The following USP37 variants were observed in gnomAD, a reference collection of about 807,000 sequenced individuals.
USP37 encodes the protein ubiquitin carboxyl-terminal hydrolase 37.
USP37 carries 27 observed loss-of-function variants against 124.0 expected under a neutral mutation model. That is an observed-to-expected ratio of 0.22 (90% CI 0.16 to 0.30). USP37 has a LOEUF of 0.30. Among genes scored for constraint, USP37 ranks in the 10% least tolerant of loss-of-function variants. The pLI, the probability that USP37 is intolerant of heterozygous loss-of-function variation, is 1.00. For missense variants in USP37, 889 were observed against 1,140.4 expected, an observed-to-expected ratio of 0.78 and a Z score of 3.17; for synonymous variants, 365 against 388.0, an observed-to-expected ratio of 0.94 and a Z score of 0.70.
intron 4 of USP37, 73 bp from the exon 5 acceptor site, chr2:218,553,797 C>G (rs986002403): frequency 1.5e-6 from 2 of 1,370,110 alleles, no homozygotes; most frequent in African/African-American, 2.9e-5. Flanking sequence ...ATAATAAATA[C>G]TAAACTTTAT....
intron 22 of USP37, 23 bp downstream of exon 22, chr2:218,463,282 AT>A (rs1690127123): frequency 6.2e-7 from 1 of 1,609,096 alleles, no homozygotes; most frequent in Non-Finnish European, 8.5e-7. Flanking sequence ...CATTAAAAAA[AT>A]GTAATTAAAA....
At position 218,488,358 on chromosome 2, in the gene USP37, C is replaced by G. The variant is rs776555439; in HGVS notation, c.1536G>C (p.Arg512Ser). 1.2e-6 allele frequency: 2 copies of G among 1,611,642 alleles called. No homozygotes were observed. Among genetic ancestry groups the G allele is most frequent in the South Asian group, 2.2e-5 (2 of 90,674 alleles). ...TTGAACGAGGAGGGAGTGGTTTTTTCCTACGAGGAAGGTCAATAGAGAGGT... is the reference window on the plus strand; with the variant it reads ...TTGAACGAGGAGGGAGTGGTTTTTTGCTACGAGGAAGGTCAATAGAGAGGT... The part of the protein sequence containing the change: ...FNDLSIDLPR[R>S]KKPLPPRSIQ... Residue 512 changes from arginine (R) to serine (S), a missense_variant, in exon 15 of 26, where the codon AGG becomes AGC. This residue lies in a region of USP37 where 504 missense variants were observed against 714.3 expected (regional missense o/e 0.71). Coordinates refer to ENST00000258399, the MANE Select transcript of USP37 (RefSeq NM_020935.3).
chr2:218,564,995 C>T (rs937970236), intron 1 of USP37, among the ~76,000 whole-genome samples: 1 of 152,188 alleles, frequency 6.6e-6, no homozygotes, highest in Admixed American at 6.5e-5. Flanking sequence ...CATCTTGGCT[C>T]ACTGCAACCT....
At chr2:218,565,150 G>A (rs934492494) in intron 1 of USP37, among the ~76,000 whole-genome samples, 8 of 152,234 alleles carry the variant, frequency 5.3e-5, no homozygotes, top group South Asian at 2.1e-4. Context: ...ATCGAACTCC[G>A]GGGCTCAAGC....
intron 15 of USP37, 34 bp downstream of exon 15, chr2:218,488,270 T>A: frequency 7.3e-7 from 1 of 1,374,408 alleles, no homozygotes; most frequent in Non-Finnish European, 1.0e-6. Flanking sequence ...GATATAAAAT[T>A]TAGTTATGTG....
At chr2:218,481,665 TTTC>T (rs2105974603) in intron 17 of USP37, among the ~76,000 whole-genome samples, 1 of 146,412 alleles carries the variant, frequency 6.8e-6, no homozygotes, top group African/African-American at 2.6e-5. Flanking sequence ...CTTGGTCTGA[TTTC>T]TTTTCTTTTC....
At position 218,488,758 on chromosome 2, in the gene USP37, C is replaced by T. The variant is rs751840223; in HGVS notation, c.1473-337G>A. ...TCAAGCGATTCTCCTGCCTCAGGCT[C>T]GCAAGTAGCTGGGATTACAGGCATG... On this transcript the variant is annotated intron_variant, in intron 14 of 25. Transcript: ENST00000258399. Among the ~76,000 whole-genome samples, 10 of 152,022 alleles carry T rather than the reference C, an allele frequency of 6.6e-5. 1 individual carries two copies. Among genetic ancestry groups the T allele is most frequent in the Admixed American group, 3.3e-4 (5 of 15,276 alleles).
Position 218,558,678 on chromosome 2 carries a change from C to CGGCCGGGCGCGGTGGCTCACGCCTG in USP37, c.-24-2_-24-1insCAGGCGTGAGCCACCGCGCCCGGCC. On this transcript the variant is annotated splice_acceptor_variant, in intron 3 of 25. Coordinates refer to ENST00000258399, the MANE Select transcript of USP37 (RefSeq NM_020935.3). LOFTEE classifies it low-confidence loss of function (5UTR_SPLICE). ...TATTTTCTTTAAAAATTGCTTCTGG[C>CGGCCGGGCGCGGTGGCTCACGCCTG]TAAATTAAAAAGCAAAAATATACCT... 2 of 1,574,488 alleles carry CGGCCGGGCGCGGTGGCTCACGCCTG rather than the reference C, an allele frequency of 1.3e-6. No individual in the cohort carries two copies. Among genetic ancestry groups the CGGCCGGGCGCGGTGGCTCACGCCTG allele is most frequent in the Non-Finnish European group, 8.6e-7 (1 of 1,161,898 alleles).
At chr2:218,525,980 G>C (rs1342107959) in intron 10 of USP37, among the ~76,000 whole-genome samples, 1 of 152,098 alleles carries the variant, frequency 6.6e-6, no homozygotes, top group Non-Finnish European at 1.5e-5. Context: ...AAGGATAATG[G>C]CCTCCAGCTC....
At chr2:218,491,841 G>C (rs1175838161) in intron 14 of USP37, among the ~76,000 whole-genome samples, 3 of 152,144 alleles carry the variant, frequency 2.0e-5, no homozygotes, top group Non-Finnish European at 4.4e-5. Context: ...AGCATGGCAA[G>C]AAAACACATC....
At chr2:218,493,286 C>T (rs1470842418) in intron 14 of USP37, among the ~76,000 whole-genome samples, 2 of 152,118 alleles carry the variant, frequency 1.3e-5, no homozygotes, top group Admixed American at 6.5e-5. Context: ...AGCAACAGAA[C>T]CCTATCCCCA....
At chr2:218,476,175 A>G (rs568528498) in intron 19 of USP37, among the ~76,000 whole-genome samples, 42 of 152,334 alleles carry the variant, frequency 2.8e-4, no homozygotes, top group African/African-American at 9.6e-4. Context: ...AACTATCCAT[A>G]TAATTATCTA....
At chr2:218,478,508 G>A (rs998982070) in intron 18 of USP37, among the ~76,000 whole-genome samples, 11 of 151,992 alleles carry the variant, frequency 7.2e-5, no homozygotes, top group Non-Finnish European at 1.3e-4. Flanking sequence ...AAGTTTGATC[G>A]GCATGACAGG....
intron 16 of USP37, among the ~76,000 whole-genome samples, chr2:218,484,540 T>C (rs1216425933): frequency 6.6e-6 from 1 of 151,976 alleles, no homozygotes; most frequent in East Asian, 1.9e-4. Context: ...GAGAATCGCT[T>C]GAACCCGTGA....
Position 218,455,002 on chromosome 2 carries a change from C to G in USP37, c.2868G>C (p.Glu956Asp). The G allele has an allele frequency of 6.2e-7, 1 of 1,613,954 alleles. No individual in the cohort carries two copies. The highest frequency in any genetic ancestry group is 8.5e-7 in the Non-Finnish European group (1 of 1,180,020). ...GAGAGTTCTTTTCTGTTTCCAGCAG[C>G]TCATCAAAGATCTCCCTTAAGATAA... is the stretch of plus-strand genomic sequence containing the variant. Reference protein sequence around the residue: ...FFYMHKEIFDELLETEKNSQS... With the variant: ...FFYMHKEIFDDLLETEKNSQS... Residue 956 changes from glutamate (E) to aspartate (D), a missense_variant, in exon 26 of 26, where the codon GAG becomes GAC. Physicochemically the swap from Glu to Asp is conservative, Grantham distance 45. Around this residue, in one of 3 missense-constraint regions of USP37, gnomAD observed 504 missense variants for 714.3 expected, o/e 0.71. Coordinates refer to ENST00000258399, the MANE Select transcript of USP37 (RefSeq NM_020935.3).
At chr2:218,537,999 G>C (rs1691753088) in intron 8 of USP37, among the ~76,000 whole-genome samples, 1 of 152,216 alleles carries the variant, frequency 6.6e-6, no homozygotes, top group Non-Finnish European at 1.5e-5. Context: ...ATAAGACCAG[G>C]AGAGTACAAC....
chr2:218,542,855 T>C (rs1173631437), intron 8 of USP37, among the ~76,000 whole-genome samples: 1 of 152,230 alleles, frequency 6.6e-6, no homozygotes, highest in Non-Finnish European at 1.5e-5. Flanking sequence ...GTGAATTTTG[T>C]TCCCTTCAAC....
chr2:218,495,420 G>A (rs1484703777), intron 14 of USP37, among the ~76,000 whole-genome samples: 1 of 152,182 alleles, frequency 6.6e-6, no homozygotes, highest in Non-Finnish European at 1.5e-5. Context: ...GGGATTACAG[G>A]CATGAGCCAC....
At chr2:218,513,008 A>T (rs960532692) in intron 10 of USP37, among the ~76,000 whole-genome samples, 6 of 151,882 alleles carry the variant, frequency 4.0e-5, no homozygotes. Flanking sequence ...TACATGTTCT[A>T]TGTTCCTTTT....
Sources: allele counts gnomAD v4.1 joint callset (sites outside exome capture counted in the v4.1 genomes callset), GRCh38; gene constraint gnomAD v4.1.1; regional missense constraint gnomAD v4.1.1; transcripts MANE v1.5; gene names NCBI Gene and HGNC (gene_info 2026-07-23, HGNC 2026-07-21).